CACNA1I: variants seen among roughly 807,000 people sequenced by gnomAD.
The protein encoded by CACNA1I is calcium voltage-gated channel subunit alpha1 I.
In CACNA1I, 74 loss-of-function variants were observed where a neutral mutation model predicts 201.6. The observed-to-expected ratio is 0.37, with a 90% CI of 0.30 to 0.45. The LOEUF (loss-of-function observed/expected upper bound fraction) is 0.45. Among genes scored for constraint, CACNA1I ranks in the 20% least tolerant of loss-of-function variants. CACNA1I has a pLI of 1.00. For missense variants in CACNA1I, 2,346 were observed against 3,138.1 expected, an observed-to-expected ratio of 0.75 and a Z score of 6.03; for synonymous variants, 1,431 against 1,345.2, an observed-to-expected ratio of 1.06 and a Z score of -1.40.
In CACNA1I at chr22:39,679,187, C is replaced by T; in HGVS notation, c.5136C>T (p.Ser1712=). The part of the protein sequence containing the change: ...LQFVSPLYFV[S]FVLTAQFVLI... ...TTGTGTCGCCGCTGTACTTCGTGAG[C>T]TTCGTGCTCACCGCGCAGTTCGTGC... The change falls in exon 32 of 37, where the codon AGC becomes AGT. Residue 1712 remains serine, a synonymous_variant. Transcript: ENST00000402142. 1 of 1,591,954 alleles carries T rather than the reference C, an allele frequency of 6.3e-7. No individual in the cohort carries two copies. The highest frequency in any genetic ancestry group is 8.5e-7 in the Non-Finnish European group (1 of 1,170,310).
chr22:39,640,773 C>A, intron 5 of CACNA1I, 94 bp from the exon 6 acceptor site: 1 of 1,054,556 alleles, frequency 9.5e-7, no homozygotes, highest in Non-Finnish European at 1.4e-6. Flanking sequence ...AGTGACAAGG[C>A]CATCCTGCTA....
intron 8 of CACNA1I, among the ~76,000 whole-genome samples, chr22:39,647,157 G>A (rs1413928441): frequency 5.8e-5 from 6 of 104,106 alleles, no homozygotes; most frequent in African/African-American, 2.0e-4. Context: ...ATAGCAGATC[G>A]GCCTCGGAGG....
In CACNA1I at chr22:39,649,738, C is replaced by G. The variant is rs985320315; in HGVS notation, c.1805C>G (p.Ser602Cys). 1.3e-6 allele frequency: 2 copies of G among 1,573,110 alleles called. No homozygotes were observed. The highest frequency in any genetic ancestry group is 2.7e-5 in the African/African-American group (2 of 74,008). ...GCCCGGAGCAGCGAGGACGGAGCCT[C>G]CTCAGAACTGGGGAAGGAGGAGGAG... is the stretch of plus-strand genomic sequence containing the variant. ...DGARSSEDGASSELGKEEEEE... is the reference protein window; with the variant it reads ...DGARSSEDGACSELGKEEEEE... Residue 602 changes from serine (S) to cysteine (C), a missense_variant, in exon 10 of 37, where the codon TCC (serine) becomes TGC (cysteine). Ser to Cys is a moderately radical substitution (Grantham distance 112, BLOSUM62 -1). Coordinates refer to ENST00000402142, the MANE Select transcript of CACNA1I (RefSeq NM_021096.4). The surrounding 1 kb of genome is among the most constrained non-coding windows in gnomAD (Gnocchi z 7.3).
intron 10 of CACNA1I, among the ~76,000 whole-genome samples, chr22:39,654,798 C>T (rs1300333966): frequency 6.6e-6 from 1 of 152,018 alleles, no homozygotes; most frequent in Non-Finnish European, 1.5e-5. Flanking sequence ...TAGGTATCCC[C>T]CAAAAGGACC....
At chr22:39,574,271 G>A (rs1932272984) in intron 1 of CACNA1I, among the ~76,000 whole-genome samples, 2 of 152,068 alleles carry the variant, frequency 1.3e-5, no homozygotes, top group Admixed American at 1.3e-4. Flanking sequence ...CTGTGATGCT[G>A]TGTGCCTACG....
rs1007858060 is a variant in CACNA1I, at chr22:39,598,142, G to C, written c.237-9G>C. On this transcript the variant is annotated splice_polypyrimidine_tract_variant and intron_variant, in intron 1 of 36. Coordinates refer to ENST00000402142, the MANE Select transcript of CACNA1I (RefSeq NM_021096.4). ...CCACCTGCTGCTTTGTCCTTGACTT[G>C]GTGTGCACGTGGTTTGAATGTGTCA... 1.3e-6 allele frequency: 2 copies of C among 1,560,560 alleles called. No homozygotes were observed. The highest frequency in any genetic ancestry group is 1.8e-5 in the Admixed American group (1 of 56,332).
At chr22:39,683,301 T>C (rs1466715155) in intron 35 of CACNA1I, among the ~76,000 whole-genome samples, 1 of 152,022 alleles carries the variant, frequency 6.6e-6, no homozygotes, top group South Asian at 2.1e-4. Context: ...GGCAGAGAGA[T>C]GAGGAGCCCA....
At chr22:39,577,670 C>T (rs76560316) in intron 1 of CACNA1I, among the ~76,000 whole-genome samples, 4,381 of 152,322 alleles carry the variant, frequency 0.029, 177 homozygotes, top group African/African-American at 0.09. Flanking sequence ...GCCAGGAGAC[C>T]CGTCGAGAGG....
At chr22:39,651,484 G>T (rs926483710) in intron 10 of CACNA1I, among the ~76,000 whole-genome samples, 1 of 152,204 alleles carries the variant, frequency 6.6e-6, no homozygotes, top group African/African-American at 2.4e-5. Context: ...CTCTCTGCAG[G>T]GGGAGAGCTG....
intron 3 of CACNA1I, among the ~76,000 whole-genome samples, chr22:39,614,229 G>C (rs1933466028): frequency 6.6e-6 from 1 of 152,182 alleles, no homozygotes; most frequent in Admixed American, 6.5e-5. Context: ...TTGAGGGAAG[G>C]GGTATGAAGC....
intron 1 of CACNA1I, among the ~76,000 whole-genome samples, chr22:39,593,633 T>C (rs963744270): frequency 6.6e-6 from 1 of 152,018 alleles, no homozygotes; most frequent in Non-Finnish European, 1.5e-5. Flanking sequence ...CGTACCAGGC[T>C]TGGGAGGGTG....
intron 3 of CACNA1I, among the ~76,000 whole-genome samples, chr22:39,609,822 T>C (rs760515612): frequency 7.2e-5 from 11 of 152,206 alleles, no homozygotes; most frequent in Non-Finnish European, 8.8e-5. Flanking sequence ...TGAGCCTCAG[T>C]TTCTTCACCC....
At chr22:39,646,306 CTCTT>C (rs1569077677) in intron 7 of CACNA1I, among the ~76,000 whole-genome samples, 1 of 152,040 alleles carries the variant, frequency 6.6e-6, no homozygotes, top group Non-Finnish European at 1.5e-5. Flanking sequence ...CCGTCTTACT[CTCTT>C]TGTCATCGCG....
At chr22:39,670,424 A>G (rs954399260) in intron 25 of CACNA1I, among the ~76,000 whole-genome samples, 194 bp downstream of exon 25, 3 of 152,182 alleles carry the variant, frequency 2.0e-5, no homozygotes, top group African/African-American at 4.8e-5. Flanking sequence ...CCAGAGTCCA[A>G]TGGCTGACAC....
intron 11 of CACNA1I, 87 bp from the exon 12 acceptor site, chr22:39,658,844 T>TTTCCCTTCTCCCTCTGTC: frequency 8.7e-7 from 1 of 1,147,040 alleles, no homozygotes; most frequent in Non-Finnish European, 1.2e-6. Flanking sequence ...GTCTCTCTGT[T>TTTCCCTTCTCCCTCTGTC]TTCCCTTCTC....
At chr22:39,600,426 A>T (rs1932999149) in intron 2 of CACNA1I, 94 bp from the exon 3 acceptor site, 3 of 1,032,330 alleles carry the variant, frequency 2.9e-6, no homozygotes, top group Non-Finnish European at 4.4e-6. Context: ...CCTTGCATCC[A>T]TGTGGTGTCC....
chr22:39,603,372 G>T (rs1162809853), intron 3 of CACNA1I, among the ~76,000 whole-genome samples: 1 of 152,142 alleles, frequency 6.6e-6, no homozygotes, highest in African/African-American at 2.4e-5. Context: ...AATCACAAGT[G>T]GGCTTTTCAG....
chr22:39,614,165 G>A (rs1400342647), intron 3 of CACNA1I, among the ~76,000 whole-genome samples: 1 of 152,138 alleles, frequency 6.6e-6, no homozygotes, highest in Non-Finnish European at 1.5e-5. Context: ...GGCCCCTTCT[G>A]TCTCAGTTTC....
At chr22:39,644,928 T>C (rs1409742669) in intron 7 of CACNA1I, among the ~76,000 whole-genome samples, 1 of 152,020 alleles carries the variant, frequency 6.6e-6, no homozygotes, top group Non-Finnish European at 1.5e-5. Context: ...ACTCAAGTGA[T>C]CCTCCTGCCT....
Sources: gnomAD v4.1 joint callset for allele counts (sites outside exome capture counted in the v4.1 genomes callset) on GRCh38, gnomAD v4.1.1 for gene constraint, Gnocchi (gnomAD v3.1) non-coding constraint, MANE v1.5 for transcripts, NCBI Gene and HGNC (gene_info 2026-07-23, HGNC 2026-07-21) for gene names.